MARCHF1: variants seen among roughly 807,000 people sequenced by gnomAD.
The protein encoded by MARCHF1 is E3 ubiquitin-protein ligase MARCHF1.
A neutral mutation model predicts 54.2 loss-of-function variants in MARCHF1; 40 were observed. The observed-to-expected ratio is 0.74, with a 90% CI of 0.57 to 0.96. The LOEUF is 0.96. Ranked by LOEUF, MARCHF1 falls within the 40% of genes least tolerant of loss-of-function variation. The pLI, the probability that MARCHF1 is intolerant of heterozygous loss-of-function variation, is 0.00. For missense variants in MARCHF1, 586 were observed against 656.5 expected (o/e 0.89, Z 1.17); for synonymous variants, 236 against 236.3 (o/e 1.00, Z 0.01).
intron 3 of MARCHF1, among the ~76,000 whole-genome samples, chr4:163,879,789 G>T (rs1331108673): frequency 7.1e-6 from 1 of 141,178 alleles, no homozygotes; most frequent in African/African-American, 2.6e-5. Flanking sequence ...ATTTGTTAAA[G>T]AAAGGATTTA....
In MARCHF1 at chr4:163,694,150, C is replaced by CT. The variant is rs546356406; in HGVS notation, c.162+6662dup. ...CTCAGAAACGGTGGCCAATCATCAT[C>CT]TATACAAATCCATGACAGGATGAAA... On this transcript the variant is annotated intron_variant, in intron 5 of 9. Coordinates refer to ENST00000514618, the MANE Select transcript of MARCHF1 (RefSeq NM_001394959.1). 3.3e-4 allele frequency among the ~76,000 whole-genome samples: 51 copies of CT among 152,262 alleles called. No individual in the cohort carries two copies. The East Asian group carries it at 9.7e-3, about 29-fold the overall frequency.
chr4:164,068,001 C>A (rs528964962), intron 2 of MARCHF1, among the ~76,000 whole-genome samples: 2 of 152,222 alleles, frequency 1.3e-5, no homozygotes, highest in African/African-American at 4.8e-5. Flanking sequence ...CAGAGACATG[C>A]AAATAAAACC....
At chr4:164,117,083 C>A (rs1026913210) in intron 1 of MARCHF1, among the ~76,000 whole-genome samples, 2 of 151,834 alleles carry the variant, frequency 1.3e-5, no homozygotes, top group Non-Finnish European at 2.9e-5. Context: ...CATGGTGAAA[C>A]CTCGTCTCTA....
chr4:163,559,365 T>C (rs1243188205), intron 8 of MARCHF1, among the ~76,000 whole-genome samples: 3 of 152,188 alleles, frequency 2.0e-5, no homozygotes, highest in Non-Finnish European at 2.9e-5. Context: ...ACTAGCAGAA[T>C]GCAATGCAGA....
intron 2 of MARCHF1, among the ~76,000 whole-genome samples, chr4:164,058,836 C>A (rs1049711102): frequency 2.0e-5 from 3 of 152,198 alleles, no homozygotes; most frequent in Non-Finnish European, 2.9e-5. Context: ...CAAATCTTCA[C>A]AGATATAGAA....
chr4:163,631,338 G>T (rs755746329), intron 5 of MARCHF1, among the ~76,000 whole-genome samples: 1 of 151,856 alleles, frequency 6.6e-6, no homozygotes, highest in African/African-American at 2.4e-5. Context: ...GATTACAGGC[G>T]CCTGCTGCCA....
At chr4:163,989,951 T>C (rs1470782736) in intron 2 of MARCHF1, among the ~76,000 whole-genome samples, 1 of 152,202 alleles carries the variant, frequency 6.6e-6, no homozygotes. Flanking sequence ...CACAGAGATC[T>C]TCAAAGTGAT....
chr4:164,258,824 A>G (rs1733368397), intron 1 of MARCHF1, among the ~76,000 whole-genome samples: 1 of 152,108 alleles, frequency 6.6e-6, no homozygotes, highest in African/African-American at 2.4e-5. Context: ...TGTTATCTTT[A>G]GAGTCTAAGG....
At chr4:163,708,870 C>G (rs1388532850) in intron 4 of MARCHF1, among the ~76,000 whole-genome samples, 1 of 151,970 alleles carries the variant, frequency 6.6e-6, no homozygotes, top group Admixed American at 6.6e-5. Flanking sequence ...TGTTAGAGCT[C>G]TGTTTTTGTA....
intron 3 of MARCHF1, among the ~76,000 whole-genome samples, chr4:163,905,220 G>A (rs1487502655): frequency 1.3e-5 from 2 of 151,990 alleles, no homozygotes; most frequent in East Asian, 3.9e-4. Flanking sequence ...GAGACAAAAA[G>A]TGAAGAAAAT....
At chr4:163,647,702 T>C (rs1742811285) in intron 5 of MARCHF1, among the ~76,000 whole-genome samples, 1 of 151,694 alleles carries the variant, frequency 6.6e-6, no homozygotes, top group Non-Finnish European at 1.5e-5. Flanking sequence ...TAAAAGAGTC[T>C]TGAGACAAAT....
chr4:164,241,486 A>T (rs1283670700), intron 1 of MARCHF1, among the ~76,000 whole-genome samples: 1 of 152,196 alleles, frequency 6.6e-6, no homozygotes, highest in Non-Finnish European at 1.5e-5. Flanking sequence ...TTCCCTTCCC[A>T]GTATACAATG....
chr4:163,619,594 G>A (rs1741614530), intron 5 of MARCHF1, among the ~76,000 whole-genome samples: 3 of 151,934 alleles, frequency 2.0e-5, no homozygotes, highest in African/African-American at 7.3e-5. Context: ...TGAGAGGCTA[G>A]GAATCTATCT....
intron 9 of MARCHF1, among the ~76,000 whole-genome samples, chr4:163,540,840 G>A (rs1388455546): frequency 6.6e-6 from 1 of 152,152 alleles, no homozygotes; most frequent in Admixed American, 6.5e-5. Flanking sequence ...TGGGCAACAT[G>A]ATGAAACCTT....
chr4:164,350,435 A>C (rs569014861), intron 1 of MARCHF1, among the ~76,000 whole-genome samples: 3 of 152,208 alleles, frequency 2.0e-5, no homozygotes, highest in Non-Finnish European at 4.4e-5. Flanking sequence ...CTAGTGTTCT[A>C]TGACACCATA....
At chr4:164,277,786 C>T (rs1733923841) in intron 1 of MARCHF1, among the ~76,000 whole-genome samples, 1 of 152,182 alleles carries the variant, frequency 6.6e-6, no homozygotes, top group African/African-American at 2.4e-5. Context: ...AATTTTTGTT[C>T]TTGCTCATCA....
At chr4:163,889,919 CTTTTTTCTT>C (rs1383208403) in intron 3 of MARCHF1, among the ~76,000 whole-genome samples, 16 of 117,238 alleles carry the variant, frequency 1.4e-4, no homozygotes, top group Admixed American at 1.2e-3. Flanking sequence ...TATTTATTTT[CTTTTTTCTT>C]TTTTTTTTTT....
intron 1 of MARCHF1, among the ~76,000 whole-genome samples, chr4:164,209,283 A>G (rs1208068292): frequency 6.6e-6 from 1 of 152,174 alleles, no homozygotes; most frequent in Non-Finnish European, 1.5e-5. Context: ...CTTCCAATTT[A>G]TAGCTCTACC....
intron 3 of MARCHF1, among the ~76,000 whole-genome samples, chr4:163,879,382 T>C (rs921521046): frequency 1.3e-5 from 2 of 152,212 alleles, no homozygotes; most frequent in African/African-American, 4.8e-5. Context: ...ATGGCAAAAT[T>C]ACTTATTTAT....
Sources: gnomAD v4.1 joint callset for allele counts (sites outside exome capture counted in the v4.1 genomes callset) on GRCh38, gnomAD v4.1.1 for gene constraint, MANE v1.5 for transcripts, NCBI Gene and HGNC (gene_info 2026-07-23, HGNC 2026-07-21) for gene names.